Variants in CEP135 observed in about 807,000 individuals in gnomAD.
CEP135 encodes the protein centrosomal protein 135.
In CEP135, 142 loss-of-function variants were observed where a neutral mutation model predicts 157.3. That is an observed-to-expected ratio of 0.90 (90% CI 0.79 to 1.04). CEP135 has a LOEUF of 1.04. CEP135 is among the 50% of genes least tolerant of loss of function. The probability of loss-of-function intolerance (pLI) is 0.00; values close to 1 mark genes in which losing one functional copy is unlikely to be tolerated. For missense variants in CEP135, 1,317 were observed against 1,309.2 expected, an observed-to-expected ratio of 1.01 and a Z score of -0.09; for synonymous variants, 396 against 439.8, an observed-to-expected ratio of 0.90 and a Z score of 1.25.
rs1354120028 is a variant in CEP135, at chr4:55,976,211, G to A, written c.1473+1242G>A. On this transcript the variant is annotated intron_variant, in intron 11 of 25. Transcript: ENST00000257287. ...CGAGGCTGCAGTGAGCCATGATCTC[G>A]TCACTGCATTCCAGCCTGGGTGACA... 4.0e-5 allele frequency among the ~76,000 whole-genome samples: 6 copies of A among 150,248 alleles called. No individual in the cohort carries two copies. In the East Asian group the frequency reaches 5.9e-4, roughly 15 times the overall value.
chr4:55,970,479 C>G (rs1271552613), intron 9 of CEP135, among the ~76,000 whole-genome samples: 4 of 152,128 alleles, frequency 2.6e-5, no homozygotes, highest in African/African-American at 9.7e-5. Context: ...ATTATGTATA[C>G]TTTTTATACA....
chr4:55,994,802 C>T (rs985520002), intron 15 of CEP135, among the ~76,000 whole-genome samples: 31 of 151,656 alleles, frequency 2.0e-4, no homozygotes, highest in African/African-American at 7.5e-4. Flanking sequence ...TCTCCTGCCT[C>T]AGCCTCCCGA....
chr4:56,023,793 A>G (rs1731056378), intron 24 of CEP135, among the ~76,000 whole-genome samples: 1 of 141,226 alleles, frequency 7.1e-6, no homozygotes, highest in Non-Finnish European at 1.5e-5. Context: ...TATATAGTAT[A>G]TTTATATATT....
Position 55,992,080 on chromosome 4 carries a change from A to G in CEP135, c.2004A>G (p.Ser668=). Residue 668 remains serine, a synonymous_variant, in exon 15 of 26, where the codon TCA becomes TCG. Coordinates refer to ENST00000257287, the MANE Select transcript of CEP135 (RefSeq NM_025009.5). The part of the protein sequence containing the change: ...DSSHQKTEVN[S]LRIVNEQLQR... ...CTCATCAGAAAACAGAGGTGAACTC[A>G]CTTAGGTAAGTTTATTCAAAATTTT... 1 of 1,593,166 alleles carries G rather than the reference A, an allele frequency of 6.3e-7. No individual in the cohort carries two copies. The highest frequency in any genetic ancestry group is 1.9e-5 in the Admixed American group (1 of 53,154).
chr4:55,952,041 A>G (rs946970752), intron 1 of CEP135, 45 bp from the exon 2 acceptor site: 4 of 616,506 alleles, frequency 6.5e-6, no homozygotes, highest in African/African-American at 3.7e-5. Context: ...TGAAACAACA[A>G]TCATAGCTAT....
chr4:56,023,727 ATT>A (rs1358038288), intron 24 of CEP135, among the ~76,000 whole-genome samples: 8 of 143,126 alleles, frequency 5.6e-5, no homozygotes, highest in African/African-American at 2.0e-4. Context: ...TGTAATATAT[ATT>A]GTATCATATA....
At chr4:56,022,433 G>A (rs1334836204) in intron 24 of CEP135, among the ~76,000 whole-genome samples, 1 of 152,170 alleles carries the variant, frequency 6.6e-6, no homozygotes, top group Middle Eastern at 3.2e-3. Context: ...GTATAAGTTA[G>A]TAGAATGGTT....
intron 13 of CEP135, 96 bp downstream of exon 13, chr4:55,981,475 G>C: frequency 9.2e-7 from 1 of 1,087,912 alleles, no homozygotes. Context: ...GCCAAATCCA[G>C]ACCACTTTGT....
intron 3 of CEP135, 59 bp downstream of exon 3, chr4:55,953,334 G>T: frequency 1.6e-6 from 2 of 1,251,812 alleles, no homozygotes; most frequent in Non-Finnish European, 1.1e-6. Flanking sequence ...TATTTTAGAA[G>T]GAAAAGCTAA....
chr4:55,962,175 C>G lies in CEP135; in HGVS notation c.700-2099C>G, dbSNP rs535493760. Among the ~76,000 whole-genome samples, 231 of 152,210 alleles carry G rather than the reference C, an allele frequency of 1.5e-3. 1 individual carries two copies. Among genetic ancestry groups the G allele is most frequent in the African/African-American group, 5.3e-3 (219 of 41,518 alleles). On this transcript the variant is annotated intron_variant, in intron 6 of 25. Transcript: ENST00000257287. ...AGTGCAGTGGCGCGATCTCGGCTCA[C>G]TGCAAGCTCTTCCTCCTGGATTCAT...
At position 55,953,269 on chromosome 4, in the gene CEP135, G is replaced by A. The variant is rs761963530; in HGVS notation, c.298G>A (p.Val100Ile). ...ACTGAGAGAACATTCAGACCAACAC[G>A]TTAAAGGTAAGTGAAAATTTGATAA... ...MKLREHSDQHVKELKTSLKKC... is the reference protein window; with the variant it reads ...MKLREHSDQHIKELKTSLKKC... The change falls in exon 3 of 26, where the codon GTT (valine) becomes ATT (isoleucine). Residue 100 changes from valine to isoleucine, a missense_variant. Val to Ile is a conservative substitution (Grantham distance 29). Coordinates refer to ENST00000257287, the MANE Select transcript of CEP135 (RefSeq NM_025009.5). The A allele has an allele frequency of 1.5e-5, 22 of 1,509,530 alleles. No individual in the cohort carries two copies. The highest frequency in any genetic ancestry group is 1.9e-5 in the Non-Finnish European group (21 of 1,131,248). 93.5% of individuals were successfully genotyped at this position (1,509,530 alleles called of 1,614,324 possible).
chr4:56,009,173 T>C (rs1730475818), intron 18 of CEP135, among the ~76,000 whole-genome samples: 1 of 152,222 alleles, frequency 6.6e-6, no homozygotes, highest in African/African-American at 2.4e-5. Context: ...TGTTGTTTTT[T>C]GTTGTTGAGA....
intron 25 of CEP135, 68 bp downstream of exon 25, chr4:56,024,682 T>C: frequency 1.8e-6 from 2 of 1,109,958 alleles, no homozygotes; most frequent in South Asian, 2.6e-5. Flanking sequence ...AGTAGTTTTC[T>C]GCATCAGGAA....
intron 5 of CEP135, 116 bp from the exon 6 acceptor site, chr4:55,959,566 C>A: frequency 2.4e-6 from 2 of 832,458 alleles, no homozygotes; most frequent in Non-Finnish European, 4.0e-6. Context: ...CACAGTACGT[C>A]CTACCTGTTT....
Position 56,024,028 on chromosome 4 carries a change from GTTATATA to G in CEP135, c.3321-470_3321-464del, listed in dbSNP as rs1731068268. Among the ~76,000 whole-genome samples, 3 of 139,998 alleles carry G rather than the reference GTTATATA, an allele frequency of 2.1e-5. No homozygotes were observed. The South Asian group carries it at 6.7e-4, about 31-fold the overall frequency. The allele number at this position is 139,998 out of a possible 152,430, so 91.8% of individuals were successfully genotyped here. A position where few individuals can be genotyped will look rare whatever the true frequency, so the allele number is the denominator to read the frequency against. On this transcript the variant is annotated intron_variant, in intron 24 of 25. Coordinates refer to ENST00000257287, the MANE Select transcript of CEP135 (RefSeq NM_025009.5). ...ATAATATGTATTTTACATATTATAT[GTTATATA>G]TTGTATATTTTATAATATATGTTAC...
chr4:55,989,752 G>T (rs1169821109), intron 14 of CEP135, among the ~76,000 whole-genome samples: 5 of 152,164 alleles, frequency 3.3e-5, no homozygotes, highest in Non-Finnish European at 4.4e-5. Flanking sequence ...AATTAAAACA[G>T]TAAAATCATT....
At chr4:55,988,412 C>A (rs908993565) in intron 14 of CEP135, among the ~76,000 whole-genome samples, 3 of 152,148 alleles carry the variant, frequency 2.0e-5, no homozygotes, top group African/African-American at 7.2e-5. Flanking sequence ...GTAATCCTAG[C>A]TCTTTGGGAG....
chr4:55,951,665 A>G (rs1359419039), intron 1 of CEP135, among the ~76,000 whole-genome samples: 1 of 152,156 alleles, frequency 6.6e-6, no homozygotes, highest in African/African-American at 2.4e-5. Flanking sequence ...TTTGTCAGAT[A>G]TTGTGAATAT....
intron 25 of CEP135, among the ~76,000 whole-genome samples, chr4:56,030,278 G>A (rs1019716233): frequency 7.2e-5 from 11 of 152,126 alleles, no homozygotes; most frequent in African/African-American, 2.7e-4. Flanking sequence ...TTTTTAATGA[G>A]TAAGAGTACA....
Sources: gnomAD v4.1 joint callset for allele counts (sites outside exome capture counted in the v4.1 genomes callset) on GRCh38, gnomAD v4.1.1 for gene constraint, MANE v1.5 for transcripts, NCBI Gene and HGNC (gene_info 2026-07-23, HGNC 2026-07-21) for gene names.